The following ELF1 variants were observed in gnomAD, a reference collection of about 807,000 sequenced individuals.
ELF1 encodes the protein ETS-related transcription factor Elf-1.
In ELF1, 24 loss-of-function variants were observed where a neutral mutation model predicts 59.9. That is an observed-to-expected ratio of 0.40 (90% CI 0.29 to 0.56). ELF1 has a LOEUF of 0.56. Ranked by LOEUF, ELF1 falls within the 20% of genes least tolerant of loss-of-function variation. The pLI, the probability that ELF1 is intolerant of heterozygous loss-of-function variation, is 0.44. For synonymous variants in ELF1, 248 were observed against 266.2 expected, an observed-to-expected ratio of 0.93 and a Z score of 0.67; for missense variants, 627 against 742.2, an observed-to-expected ratio of 0.84 and a Z score of 1.80.
chr13:40,954,600 G>C (rs1273634642), intron 3 of ELF1, among the ~76,000 whole-genome samples: 1 of 152,136 alleles, frequency 6.6e-6, no homozygotes, highest in Non-Finnish European at 1.5e-5. Flanking sequence ...GGCGCGCGCC[G>C]CCACGCCTGA....
intron 5 of ELF1, among the ~76,000 whole-genome samples, chr13:40,949,059 C>T (rs1323896089): frequency 6.6e-6 from 1 of 152,130 alleles, no homozygotes; most frequent in African/African-American, 2.4e-5. Flanking sequence ...GGTCTCAGCT[C>T]ACTGTAACCT....
chr13:41,009,332 C>T lies in ELF1; in HGVS notation c.-229+9896G>A, dbSNP rs1013446029. Among the ~76,000 whole-genome samples, 7 of 150,960 alleles carry T rather than the reference C, an allele frequency of 4.6e-5. No individual in the cohort carries two copies. In the South Asian group the frequency reaches 1.3e-3, roughly 27 times the overall value. ...AGAACTGCTACACAATCACAACGAA[C>T]GATTCAAATATCCTTACAACTGAAT... On this transcript the variant is annotated intron_variant, in intron 1 of 8. Transcript: ENST00000239882.
At chr13:41,051,674 T>C (rs1877093769) in intron 1 of ELF1, among the ~76,000 whole-genome samples, 2 of 152,046 alleles carry the variant, frequency 1.3e-5, no homozygotes, top group Non-Finnish European at 2.9e-5. Context: ...GTAATAAGAT[T>C]AAACTGCAAA....
chr13:40,949,306 A>C (rs914642849), intron 5 of ELF1, among the ~76,000 whole-genome samples: 25 of 152,160 alleles, frequency 1.6e-4, no homozygotes, highest in African/African-American at 6.0e-4. Flanking sequence ...ATTTTTTAAA[A>C]GAAATGATTC....
At chr13:40,958,739 C>A in intron 3 of ELF1, 97 bp downstream of exon 3, 1 of 1,442,900 alleles carries the variant, frequency 6.9e-7, no homozygotes, top group Non-Finnish European at 9.1e-7. Context: ...CAGTTTAAAA[C>A]CAAGTTAGGG....
intron 2 of ELF1, among the ~76,000 whole-genome samples, chr13:40,972,697 T>C (rs1872642755): frequency 1.3e-5 from 2 of 152,206 alleles, no homozygotes; most frequent in African/African-American, 4.8e-5. Flanking sequence ...AATTCTGTTA[T>C]TTTTGTGAAA....
chr13:41,046,140 G>C (rs937469399), intron 1 of ELF1, among the ~76,000 whole-genome samples: 4 of 152,054 alleles, frequency 2.6e-5, no homozygotes, highest in African/African-American at 9.7e-5. Context: ...TTGCTTAGTA[G>C]ATCTTCCTCC....
In ELF1 at chr13:40,982,040, G is replaced by C. The variant is rs761799229; in HGVS notation, c.15C>G (p.Val5=). The change falls in exon 2 of 9, where the codon GTC becomes GTG. Residue 5 remains valine (V), a synonymous_variant. Transcript: ENST00000239882. ...ATTCAAATACTAGGTCGTTCTGTTG[G>C]ACAACAGCAGCCATAATAAAGCATT... The part of the protein sequence containing the change: MAAV[V]QQNDLVFEFA... 81 of 1,611,888 alleles carry C rather than the reference G, an allele frequency of 5.0e-5. 1 individual carries two copies. The highest frequency in any genetic ancestry group is 6.4e-5 in the Non-Finnish European group (76 of 1,179,020).
chr13:41,051,890 T>G (rs1179595582), intron 1 of ELF1, among the ~76,000 whole-genome samples: 1 of 151,984 alleles, frequency 6.6e-6, no homozygotes, highest in Non-Finnish European at 1.5e-5. Context: ...TTTTCAAAGT[T>G]CAAGTCGTCT....
chr13:40,960,312 TATC>T (rs527949801), intron 2 of ELF1, among the ~76,000 whole-genome samples: 139 of 152,266 alleles, frequency 9.1e-4, no homozygotes, highest in Non-Finnish European at 1.5e-3. Context: ...CTTTAGTAAA[TATC>T]ATGTTTCTTA....
At chr13:40,982,897 A>C in intron 1 of ELF1, 1 of 984,962 alleles carries the variant, frequency 1.0e-6, no homozygotes, top group Non-Finnish European at 1.2e-6. Flanking sequence ...TTTTTAATGC[A>C]CTGAAATGTA....
At chr13:41,008,569 G>GT (rs1290848628) in intron 1 of ELF1, among the ~76,000 whole-genome samples, 1 of 150,982 alleles carries the variant, frequency 6.6e-6, no homozygotes, top group African/African-American at 2.4e-5. Context: ...TCTTGCTTAG[G>GT]TTAAAAAAAA....
chr13:40,943,140 G>A lies in ELF1; in HGVS notation c.618C>T (p.Asn206=). ...VKKKNKDGKG[N]TIYLWEFLLA... ...GTAAAAACTCCCAAAGATAAATTGT[G>A]TTTCCTGAAACAAAAACAATTTCTT... The change falls in exon 7 of 9, where the codon AAC becomes AAT. Residue 206 remains asparagine (N), a synonymous_variant. Transcript: ENST00000239882. 1 of 1,491,046 alleles carries A rather than the reference G, an allele frequency of 6.7e-7. No homozygotes were observed. The highest frequency in any genetic ancestry group is 9.0e-7 in the Non-Finnish European group (1 of 1,111,658). 92.4% of individuals were successfully genotyped at this position (1,491,046 alleles called of 1,614,324 possible).
intron 1 of ELF1, among the ~76,000 whole-genome samples, chr13:41,028,589 T>C (rs1203844726): frequency 6.6e-6 from 1 of 152,244 alleles, no homozygotes; most frequent in Non-Finnish European, 1.5e-5. Context: ...GTCATGACTA[T>C]ATTCTCCCTA....
intron 2 of ELF1, among the ~76,000 whole-genome samples, chr13:40,971,388 G>C (rs1036572480): frequency 7.2e-5 from 11 of 152,080 alleles, no homozygotes; most frequent in Non-Finnish European, 1.5e-4. Flanking sequence ...CTCCTGAGTA[G>C]ATGGGACCAC....
chr13:40,944,989 C>T (rs1360552877), intron 5 of ELF1, among the ~76,000 whole-genome samples: 2 of 152,114 alleles, frequency 1.3e-5, no homozygotes, highest in African/African-American at 4.8e-5. Flanking sequence ...GTCAAAAAGC[C>T]CGCTCTTCAG....
chr13:41,054,630 C>G (rs1277537422), intron 1 of ELF1, among the ~76,000 whole-genome samples: 1 of 152,098 alleles, frequency 6.6e-6, no homozygotes, highest in African/African-American at 2.4e-5. Context: ...TCAGTGTTAT[C>G]TGTTGTATCT....
chr13:41,053,029 A>AT (rs2138436605), intron 1 of ELF1, among the ~76,000 whole-genome samples: 1 of 152,268 alleles, frequency 6.6e-6, no homozygotes, highest in East Asian at 1.9e-4. Flanking sequence ...GTCACACTAC[A>AT]TTTTTCAGAA....
chr13:40,958,722 G>A, intron 3 of ELF1, 114 bp downstream of exon 3: 1 of 1,378,608 alleles, frequency 7.3e-7, no homozygotes, highest in South Asian at 1.8e-5. Flanking sequence ...AGTTTCTGAA[G>A]GTAATACAGT....
Sources: allele counts gnomAD v4.1 joint callset (sites outside exome capture counted in the v4.1 genomes callset), GRCh38; gene constraint gnomAD v4.1.1; transcripts MANE v1.5; gene names NCBI Gene and HGNC (gene_info 2026-07-23, HGNC 2026-07-21).